The following SEMA6D variants were observed in gnomAD, a reference collection of about 807,000 sequenced individuals.
The protein encoded by SEMA6D is semaphorin-6D.
SEMA6D carries 35 observed loss-of-function variants against 106.6 expected under a neutral mutation model. That is an observed-to-expected ratio of 0.33 (90% CI 0.25 to 0.44). The LOEUF is 0.44. Among genes scored for constraint, SEMA6D ranks in the 20% least tolerant of loss-of-function variants. The pLI is 1.00. For missense variants in SEMA6D, 1,185 were observed against 1,345.9 expected, an observed-to-expected ratio of 0.88 and a Z score of 1.87; for synonymous variants, 499 against 487.7, an observed-to-expected ratio of 1.02 and a Z score of -0.31.
chr15:47,325,263 T>A (rs2037085386), intron 1 of SEMA6D, among the ~76,000 whole-genome samples: 1 of 151,488 alleles, frequency 6.6e-6, no homozygotes. Flanking sequence ...AACCTCCACC[T>A]CCCGGGTTCA....
intron 4 of SEMA6D, among the ~76,000 whole-genome samples, chr15:47,704,456 C>T (rs536785078): frequency 2.0e-5 from 3 of 152,296 alleles, no homozygotes; most frequent in South Asian, 4.1e-4. Context: ...CAGCAGCTCA[C>T]GCCTGTAATC....
At position 47,639,046 on chromosome 15, in the gene SEMA6D, G is replaced by A. The variant is rs190733770; in HGVS notation, c.-55+38150G>A. 3.9e-5 allele frequency among the ~76,000 whole-genome samples: 6 copies of A among 152,288 alleles called. No homozygotes were observed. The East Asian group carries it at 1.2e-3, about 29-fold the overall frequency. On this transcript the variant is annotated intron_variant, in intron 4 of 19. Coordinates refer to the SEMA6D transcript ENST00000558014. ...CTGGAGCCTAGGCCACTAGCAGGGAGGACACAGACTCTGCTCACGTGAGGT... is the reference window on the plus strand; with the variant it reads ...CTGGAGCCTAGGCCACTAGCAGGGAAGACACAGACTCTGCTCACGTGAGGT...
intron 4 of SEMA6D, among the ~76,000 whole-genome samples, chr15:47,637,917 C>G (rs1257015056): frequency 6.6e-6 from 1 of 152,146 alleles, no homozygotes; most frequent in Non-Finnish European, 1.5e-5. Context: ...GACTTTTTTA[C>G]TGTCTGAAAT....
chr15:47,434,039 T>A (rs1567076709), intron 2 of SEMA6D, among the ~76,000 whole-genome samples: 1 of 152,028 alleles, frequency 6.6e-6, no homozygotes, highest in Non-Finnish European at 1.5e-5. Context: ...TTGGCTAAAA[T>A]CATAAGTGGT....
rs984976545 is a variant in SEMA6D at position 47,385,783 on chromosome 15, A to G, written c.-238-26610A>G. Reference sequence around the variant, plus strand: ...CAAGTCAAGGACATCTGCTCCAACCAGGCATAAAATTTAGCCTTCTGCTTC... The same window carrying G: ...CAAGTCAAGGACATCTGCTCCAACCGGGCATAAAATTTAGCCTTCTGCTTC... On this transcript the variant is annotated intron_variant, in intron 1 of 19. Transcript: ENST00000558014. Among the ~76,000 whole-genome samples, 10 of 152,234 alleles carry G rather than the reference A, an allele frequency of 6.6e-5. No individual in the cohort carries two copies. In the East Asian group the frequency reaches 1.9e-3, roughly 29 times the overall value.
chr15:47,647,373 A>G lies in SEMA6D; in HGVS notation c.-55+46477A>G, dbSNP rs188089415. Among the ~76,000 whole-genome samples the G allele has an allele frequency of 2.6e-5, 4 of 152,308 alleles. No homozygotes were observed. The East Asian group carries it at 7.7e-4, about 29-fold the overall frequency. On this transcript the variant is annotated intron_variant, in intron 4 of 19. Coordinates refer to the SEMA6D transcript ENST00000558014. ...TTGAAGCTCACTTTGAACTAACAGG[A>G]TTACATGATCGGAATTGTATTCATG...
intron 3 of SEMA6D, among the ~76,000 whole-genome samples, chr15:47,569,766 T>TTGGCC: frequency 6.6e-6 from 1 of 152,150 alleles, no homozygotes; most frequent in South Asian, 2.1e-4. Context: ...TGGATCATTT[T>TTGGCC]ATAAGGATTT....
chr15:47,671,552 T>C (rs959299660), intron 4 of SEMA6D, among the ~76,000 whole-genome samples: 1 of 152,066 alleles, frequency 6.6e-6, no homozygotes, highest in Admixed American at 6.6e-5. Flanking sequence ...TAATGGAACG[T>C]ATTCGGGGAC....
rs139070820 is a variant in SEMA6D at position 47,703,515 on chromosome 15, A to G, written c.-54-56230A>G. Reference sequence around the variant, plus strand: ...CACGTGCATCACTATTCCTGTGGAAAAAAAAATGAAAGGAACCCACTACGT... The same window carrying G: ...CACGTGCATCACTATTCCTGTGGAAGAAAAAATGAAAGGAACCCACTACGT... On this transcript the variant is annotated intron_variant, in intron 4 of 19. Transcript: ENST00000558014. 4.7e-4 allele frequency among the ~76,000 whole-genome samples: 72 copies of G among 152,314 alleles called. No individual in the cohort carries two copies. In the East Asian group the frequency reaches 0.011, roughly 22 times the overall value.
intron 3 of SEMA6D, 140 bp from the exon 4 acceptor site, chr15:47,760,838 T>C (rs1309958073): frequency 1.4e-6 from 1 of 736,706 alleles, no homozygotes; most frequent in African/African-American, 1.8e-5. Flanking sequence ...AAAAGTACTC[T>C]TTGTTGACTT....
chr15:47,668,904 G>C (rs1012766090), intron 4 of SEMA6D, among the ~76,000 whole-genome samples: 1 of 152,160 alleles, frequency 6.6e-6, no homozygotes, highest in South Asian at 2.1e-4. Context: ...AATTACCGCA[G>C]TGCAATTCTG....
At chr15:47,364,698 A>G (rs938080752) in intron 1 of SEMA6D, among the ~76,000 whole-genome samples, 8 of 151,448 alleles carry the variant, frequency 5.3e-5, no homozygotes, top group East Asian at 3.9e-4. Context: ...CCCTCCCCCA[A>G]TGCTTTCTCA....
chr15:47,520,081 C>T (rs765769302), intron 3 of SEMA6D, among the ~76,000 whole-genome samples: 5 of 152,064 alleles, frequency 3.3e-5, no homozygotes, highest in Non-Finnish European at 7.4e-5. Flanking sequence ...GAAAAATGAT[C>T]GACAGAATCC....
At chr15:47,469,578 C>T (rs1164749265) in intron 2 of SEMA6D, among the ~76,000 whole-genome samples, 1 of 152,078 alleles carries the variant, frequency 6.6e-6, no homozygotes, top group Non-Finnish European at 1.5e-5. Context: ...TTTAAACATC[C>T]TCCAGATTCT....
chr15:47,429,055 T>C (rs756819656), intron 2 of SEMA6D, among the ~76,000 whole-genome samples: 4 of 150,868 alleles, frequency 2.7e-5, no homozygotes, highest in Non-Finnish European at 5.9e-5. Flanking sequence ...GAAAGGAAAT[T>C]CCAGTAAAAT....
rs572160822 is a variant in SEMA6D, at chr15:47,194,401, T to C, written c.-239+9983T>C. Among the ~76,000 whole-genome samples the C allele has an allele frequency of 5.9e-5, 9 of 152,154 alleles. No homozygotes were observed. In the South Asian group the frequency reaches 1.9e-3, roughly 32 times the overall value. Reference sequence around the variant, plus strand: ...TGGGGAGGTAAGTGGACTGGGGGACTCTAGACTTGAAGATACTTCAGGCCA... The same window carrying C: ...TGGGGAGGTAAGTGGACTGGGGGACCCTAGACTTGAAGATACTTCAGGCCA... On this transcript the variant is annotated intron_variant, in intron 1 of 19. Transcript: ENST00000558014.
chr15:47,491,447 G>T (rs550956689), intron 3 of SEMA6D, among the ~76,000 whole-genome samples: 18 of 151,176 alleles, frequency 1.2e-4, no homozygotes, highest in Non-Finnish European at 2.6e-4. Flanking sequence ...TCAAAAATAG[G>T]CAAAAATAAG....
intron 18 of SEMA6D, among the ~76,000 whole-genome samples, chr15:47,770,202 A>T (rs1283731202): frequency 6.6e-6 from 1 of 152,172 alleles, no homozygotes; most frequent in Non-Finnish European, 1.5e-5. Flanking sequence ...TTAGATAGAA[A>T]CTCTTACATT....
chr15:47,722,821 A>T (rs2079503701), intron 1 of SEMA6D, among the ~76,000 whole-genome samples: 1 of 152,242 alleles, frequency 6.6e-6, no homozygotes, highest in African/African-American at 2.4e-5. Flanking sequence ...TTAGCTTACT[A>T]AATTCTAGGC....
Sources: gnomAD v4.1 joint callset for allele counts (sites outside exome capture counted in the v4.1 genomes callset) on GRCh38, gnomAD v4.1.1 for gene constraint, MANE v1.5 for transcripts, NCBI Gene and HGNC (gene_info 2026-07-23, HGNC 2026-07-21) for gene names.